The following ASMT variants were observed in gnomAD, a reference collection of about 807,000 sequenced individuals.
The protein encoded by ASMT is acetylserotonin O-methyltransferase.
In ASMT, 53 loss-of-function variants were observed where a neutral mutation model predicts 41.3. The observed-to-expected ratio is 1.28, with a 90% CI of 1.03 to 1.61. The LOEUF is 1.61. ASMT is among the 40% of genes most tolerant of loss of function. The pLI is 0.00. For synonymous variants in ASMT, 231 were observed against 184.8 expected, an observed-to-expected ratio of 1.25 and a Z score of -2.03; for missense variants, 531 against 441.3, an observed-to-expected ratio of 1.20 and a Z score of -1.82.
In ASMT at chrX:1,642,889, G is replaced by T; in HGVS notation, c.997G>T (p.Val333Leu). ...GCAGCTCTACTCTCTGAACATGCTT[G>T]TGCAGACGGAAGGGCAGGAGAGGAC... ...LTQLYSLNML[V>L]QTEGQERTPT... The change falls in exon 9 of 9, where the codon GTG becomes TTG. Residue 333 changes from valine to leucine, a missense_variant. Val to Leu is a conservative substitution (Grantham distance 32). Coordinates refer to ENST00000381241, the MANE Select transcript of ASMT (RefSeq NM_001171038.2). The T allele has an allele frequency of 1.2e-6, 2 of 1,613,976 alleles. No individual in the cohort carries two copies. Among genetic ancestry groups the T allele is most frequent in the Non-Finnish European group, 1.7e-6 (2 of 1,179,858 alleles).
chrX:1,630,081 G>A, intron 5 of ASMT, 142 bp downstream of exon 5: 1 of 808,662 alleles, frequency 1.2e-6, no homozygotes. Flanking sequence ...ATTCCTCCCA[G>A]CACTGGGCAC....
rs1201829989 is a variant in ASMT, at chrX:1,615,296, G to A, written c.69+28G>A. On this transcript the variant is annotated intron_variant, in intron 1 of 8. Coordinates refer to ENST00000381241, the MANE Select transcript of ASMT (RefSeq NM_001171038.2). ...AGGATACGCTCTGTGGGACAAGGGGGAATAGACTTCCGTTCATCACACTCA... is the reference window on the plus strand; with the variant it reads ...AGGATACGCTCTGTGGGACAAGGGGAAATAGACTTCCGTTCATCACACTCA... The A allele has an allele frequency of 3.8e-6, 6 of 1,564,330 alleles. No individual in the cohort carries two copies. In the African/African-American group the frequency reaches 4.1e-5, roughly 11 times the overall value.
intron 3 of ASMT, among the ~76,000 whole-genome samples, chrX:1,625,954 C>CAAAAAAAAA (rs1310481163): frequency 1.8e-4 from 18 of 99,240 alleles, no homozygotes; most frequent in African/African-American, 5.8e-4. Context: ...GACTCCATCT[C>CAAAAAAAAA]AAAAAAAAAA....
Position 1,629,912 on chromosome X carries a change from G to A in ASMT, c.535G>A (p.Val179Met), listed in dbSNP as rs1352993394. 1 of 1,613,864 alleles carries A rather than the reference G, an allele frequency of 6.2e-7. No homozygotes were observed. Among genetic ancestry groups the A allele is most frequent in the African/African-American group, 1.3e-5 (1 of 74,928 alleles). Reference protein sequence around the residue: ...RSVLTAFDLSVFPLMCDLGGT... With the variant: ...RSVLTAFDLSMFPLMCDLGGT... ...CGTGCTGACCGCCTTTGACCTGTCAGTGTTCCCACTTATGTGTGACCTTGG... is the reference window on the plus strand; with the variant it reads ...CGTGCTGACCGCCTTTGACCTGTCAATGTTCCCACTTATGTGTGACCTTGG... Residue 179 changes from valine (V) to methionine (M), a missense_variant, in exon 5 of 9, where the codon GTG becomes ATG. Transcript: ENST00000381241.
intron 8 of ASMT, among the ~76,000 whole-genome samples, chrX:1,642,568 T>C (rs750288165): frequency 1.8e-4 from 27 of 150,618 alleles, no homozygotes; most frequent in African/African-American, 5.6e-4. Flanking sequence ...ATCCTGATGG[T>C]TCATGAGGAC....
intron 3 of ASMT, among the ~76,000 whole-genome samples, chrX:1,625,952 C>G (rs1934532831): frequency 1.8e-5 from 1 of 55,636 alleles, no homozygotes; most frequent in Non-Finnish European, 2.9e-5. Flanking sequence ...GAGACTCCAT[C>G]TCAAAAAAAA....
rs756971565 is a variant in ASMT, at chrX:1,641,339, T to C, written c.911-1464T>C. ...CACCCATCCTGATGATCCATTAGGA[T>C]GTGGACACAGCCTCTGTGTGTGTGA... is the stretch of plus-strand genomic sequence containing the variant. On this transcript the variant is annotated intron_variant, in intron 8 of 8. Transcript: ENST00000381241. Among the ~76,000 whole-genome samples the C allele has an allele frequency of 8.4e-3, 715 of 85,108 alleles. 91 individuals carry two copies. The highest frequency in any genetic ancestry group is 0.013 in the Admixed American group (89 of 6,994). The allele number at this position is 85,108 out of a possible 152,430, so 55.8% of individuals were successfully genotyped here. A position where few individuals can be genotyped will look rare whatever the true frequency, so the allele number is the denominator to read the frequency against.
At chrX:1,620,456 C>T (rs1934299668) in intron 1 of ASMT, among the ~76,000 whole-genome samples, 1 of 151,974 alleles carries the variant, frequency 6.6e-6, no homozygotes, top group Non-Finnish European at 1.5e-5. Flanking sequence ...GTGTGAGCCA[C>T]TGCACCTGGC....
At chrX:1,636,306 G>C in intron 7 of ASMT, 132 bp from the exon 8 acceptor site, 1 of 1,323,534 alleles carries the variant, frequency 7.6e-7, no homozygotes, top group Non-Finnish European at 1.1e-6. Flanking sequence ...CTGAGGCTAG[G>C]TCTGCAGGTG....
chrX:1,615,607 A>G (rs1372032438), intron 1 of ASMT, among the ~76,000 whole-genome samples: 1 of 152,058 alleles, frequency 6.6e-6, no homozygotes, highest in Non-Finnish European at 1.5e-5. Context: ...GTTCGAGACC[A>G]GCCTGACCCA....
rs191755362 is a variant in ASMT, at chrX:1,615,592, C to T, written c.69+324C>T. On this transcript the variant is annotated intron_variant, in intron 1 of 8. Coordinates refer to ENST00000381241, the MANE Select transcript of ASMT (RefSeq NM_001171038.2). ...CTGAGGCGGGCGGATCACCTGAGGT[C>T]GGGAGTTCGAGACCAGCCTGACCCA... is the stretch of plus-strand genomic sequence containing the variant. 1.8e-3 allele frequency among the ~76,000 whole-genome samples: 271 copies of T among 151,976 alleles called. No individual in the cohort carries two copies. The South Asian group carries it at 0.02, about 11-fold the overall frequency.
At chrX:1,623,040 A>C in intron 1 of ASMT, 99 bp from the exon 2 acceptor site, 4 of 1,205,198 alleles carry the variant, frequency 3.3e-6, no homozygotes, top group Non-Finnish European at 4.8e-6. Context: ...TAAATAAAAC[A>C]ATGCTTTCCT....
At chrX:1,615,634 C>T (rs1256304979) in intron 1 of ASMT, among the ~76,000 whole-genome samples, 2 of 151,946 alleles carry the variant, frequency 1.3e-5, no homozygotes, top group African/African-American at 2.4e-5. Context: ...GAAACCCCAT[C>T]TCTACTAAAA....
chrX:1,642,075 G>A (rs1935201371), intron 8 of ASMT, among the ~76,000 whole-genome samples: 1 of 146,016 alleles, frequency 6.8e-6, no homozygotes, highest in Non-Finnish European at 1.5e-5. Flanking sequence ...GGCCCATGAG[G>A]ATGTGGGCAC....
At chrX:1,618,951 A>G (rs1312890855) in intron 1 of ASMT, among the ~76,000 whole-genome samples, 1 of 152,200 alleles carries the variant, frequency 6.6e-6, no homozygotes, top group Non-Finnish European at 1.5e-5. Context: ...ATACCATGTC[A>G]TGGGAGTTGT....
In ASMT at chrX:1,636,565, G is replaced by A. The variant is rs1419229036; in HGVS notation, c.910+5G>A. On this transcript the variant is annotated splice_donor_5th_base_variant and intron_variant, in intron 8 of 8. Transcript: ENST00000381241. ...TCTACCACACTTGCAAGCCAGGTAA[G>A]TTGTGGGGTTTGCATTTCAGCGTGT... 1.9e-6 allele frequency: 3 copies of A among 1,608,932 alleles called. No individual in the cohort carries two copies. The highest frequency in any genetic ancestry group is 1.6e-4 in the Middle Eastern group (1 of 6,062).
At chrX:1,632,925 G>A (rs1934831784) in intron 6 of ASMT, 138 bp downstream of exon 6, 1 of 634,520 alleles carries the variant, frequency 1.6e-6, no homozygotes, top group African/African-American at 1.8e-5. Flanking sequence ...ACGAGTCGAT[G>A]GGTGCAGCAA....
chrX:1,642,879 G>A lies in ASMT; in HGVS notation c.987G>A (p.Leu329=). Residue 329 remains leucine, a synonymous_variant, in exon 9 of 9, where the codon CTG becomes CTA. Transcript: ENST00000381241. ...RGPLLTQLYS[L]NMLVQTEGQE... The stretch of plus-strand genomic sequence containing the variant: ...CTCTGCTCACGCAGCTCTACTCTCT[G>A]AACATGCTTGTGCAGACGGAAGGGC... The A allele has an allele frequency of 1.2e-6, 2 of 1,613,980 alleles. No homozygotes were observed. The highest frequency in any genetic ancestry group is 1.7e-6 in the Non-Finnish European group (2 of 1,179,880).
chrX:1,623,684 C>T (rs1221275572), intron 2 of ASMT, among the ~76,000 whole-genome samples: 1 of 152,110 alleles, frequency 6.6e-6, no homozygotes, highest in Non-Finnish European at 1.5e-5. Context: ...AGTGTGAGAC[C>T]CAGGCTGGGG....
Sources: gnomAD v4.1 joint callset for allele counts (sites outside exome capture counted in the v4.1 genomes callset) on GRCh38, gnomAD v4.1.1 for gene constraint, MANE v1.5 for transcripts, NCBI Gene and HGNC (gene_info 2026-07-23, HGNC 2026-07-21) for gene names.